The following C6 variants were observed in gnomAD, a reference collection of about 807,000 sequenced individuals.
C6 encodes the protein complement C6.
In C6, 101 loss-of-function variants were observed where a neutral mutation model predicts 112.9. The observed-to-expected ratio is 0.89, with a 90% CI of 0.76 to 1.06. C6 has a LOEUF of 1.06. Ranked by LOEUF, C6 falls within the 50% of genes least tolerant of loss-of-function variation. The pLI is 0.00. For synonymous variants in C6, 431 were observed against 384.1 expected (o/e 1.12, Z -1.43); for missense variants, 1,202 against 1,104.6 (o/e 1.09, Z -1.25).
intron 10 of C6, among the ~76,000 whole-genome samples, chr5:41,160,927 A>G (rs960597206): frequency 1.3e-5 from 2 of 152,212 alleles, no homozygotes; most frequent in Non-Finnish European, 1.5e-5. Flanking sequence ...TGCTCATTTT[A>G]TTAACATCAT....
chr5:41,203,454 G>A, intron 1 of C6: 1 of 532,870 alleles, frequency 1.9e-6, no homozygotes, highest in African/African-American at 1.9e-5. Flanking sequence ...GATTACCATA[G>A]GCACAACCTC....
At chr5:41,234,102 A>G (rs941632675) in intron 1 of C6, among the ~76,000 whole-genome samples, 2 of 152,100 alleles carry the variant, frequency 1.3e-5, no homozygotes, top group African/African-American at 2.4e-5. Context: ...AACAAATTAT[A>G]TAATATTACC....
At chr5:41,215,496 T>A (rs1164574530), upstream of C6, among the ~76,000 whole-genome samples, 1 of 152,164 alleles carries the variant, frequency 6.6e-6, no homozygotes, top group Non-Finnish European at 1.5e-5. Context: ...AGATGTGTGC[T>A]GCTGAAAAAC....
chr5:41,260,229 GGCAAATGA>G (rs1246246453), intron 1 of C6, among the ~76,000 whole-genome samples: 3 of 151,722 alleles, frequency 2.0e-5, no homozygotes, highest in Non-Finnish European at 4.4e-5. Flanking sequence ...CATTTGCCTA[GGCAAATGA>G]AGTGGTAACT....
At chr5:41,255,987 T>C (rs1037282899) in intron 1 of C6, among the ~76,000 whole-genome samples, 3 of 152,146 alleles carry the variant, frequency 2.0e-5, no homozygotes, top group African/African-American at 7.2e-5. Context: ...GTTAGTATCA[T>C]GAGGTTGCTG....
At chr5:41,258,780 G>A (rs376582493) in intron 1 of C6, among the ~76,000 whole-genome samples, 16 of 152,236 alleles carry the variant, frequency 1.1e-4, no homozygotes, top group South Asian at 1.0e-3. Context: ...CAATCATGGC[G>A]GAAAGCAACT....
At chr5:41,181,020 A>T in intron 7 of C6, among the ~76,000 whole-genome samples, 1 of 152,176 alleles carries the variant, frequency 6.6e-6, no homozygotes, top group South Asian at 2.1e-4. Context: ...TGTATATAAC[A>T]TATAACAAAA....
intron 1 of C6, 76 bp from the exon 2 acceptor site, chr5:41,203,326 ATTCAAATGTGAT>A: frequency 6.8e-7 from 1 of 1,464,558 alleles, no homozygotes; most frequent in Non-Finnish European, 9.5e-7. Context: ...TGAGTCAGAG[ATTCAAATGTGAT>A]TTTAGAAAAT....
rs544839492 is a variant in C6 at position 41,178,768 on chromosome 5, G to A, written c.928-2053C>T. Among the ~76,000 whole-genome samples, 34 of 150,648 alleles carry A rather than the reference G, an allele frequency of 2.3e-4. 1 individual carries two copies. The South Asian group carries it at 2.3e-3, about 10-fold the overall frequency. ...TGGGATTATAGGCATGAGCCACCGC[G>A]CCCAGCCTCATTTCCTTAGACTGAA... On this transcript the variant is annotated intron_variant, in intron 7 of 17. Transcript: ENST00000337836.
rs752796479 is a variant in C6 at position 41,160,316 on chromosome 5, G to A, written c.1510C>T (p.Arg504Trp). The A allele has an allele frequency of 3.7e-5, 59 of 1,613,820 alleles. No homozygotes were observed. The African/African-American group carries it at 3.7e-4, about 10-fold the overall frequency. Residue 504 changes from arginine to tryptophan, a missense_variant, in exon 11 of 18, where the codon CGG becomes TGG. Coordinates refer to ENST00000337836, the MANE Select transcript of C6 (RefSeq NM_000065.5). ...TGCAAAGCTTTCCTGAGGTTGTTCC[G>A]TTTTGTCACTGCACAGGGGATGTTT... Reference protein sequence around the residue: ...VRNIPCAVTKRNNLRKALQEY... With the variant: ...VRNIPCAVTKWNNLRKALQEY...
At chr5:41,255,710 A>T (rs1653101638) in intron 1 of C6, among the ~76,000 whole-genome samples, 1 of 152,220 alleles carries the variant, frequency 6.6e-6, no homozygotes, top group Non-Finnish European at 1.5e-5. Context: ...TACGTGCTAT[A>T]GGTCTGTCAA....
At chr5:41,238,386 G>A (rs1740465100) in intron 1 of C6, among the ~76,000 whole-genome samples, 1 of 151,886 alleles carries the variant, frequency 6.6e-6, no homozygotes, top group Non-Finnish European at 1.5e-5. Flanking sequence ...CAGAGATATA[G>A]ATCAATGGAA....
chr5:41,255,418 C>T (rs907418867), intron 1 of C6, among the ~76,000 whole-genome samples: 2 of 151,374 alleles, frequency 1.3e-5, no homozygotes, highest in Non-Finnish European at 2.9e-5. Flanking sequence ...TTCATTCTTT[C>T]ATATTCTTGG....
At chr5:41,162,967 C>T (rs1747660416) in intron 9 of C6, among the ~76,000 whole-genome samples, 1 of 152,034 alleles carries the variant, frequency 6.6e-6, no homozygotes, top group African/African-American at 2.4e-5. Context: ...CATGTTATTT[C>T]ATATTTAGAT....
chr5:41,208,032 A>G (rs373345470), intron 1 of C6, among the ~76,000 whole-genome samples: 1 of 152,250 alleles, frequency 6.6e-6, no homozygotes, highest in African/African-American at 2.4e-5. Flanking sequence ...TGTCTCTCAC[A>G]TCACAGTGCA....
intron 1 of C6, among the ~76,000 whole-genome samples, chr5:41,210,026 C>T (rs1017563463): frequency 2.2e-4 from 33 of 152,066 alleles, no homozygotes; most frequent in South Asian, 1.5e-3. Flanking sequence ...GAGATATAGA[C>T]CAATGGAACA....
At chr5:41,173,458 T>G (rs1362450763) in intron 8 of C6, among the ~76,000 whole-genome samples, 2 of 152,200 alleles carry the variant, frequency 1.3e-5, no homozygotes, top group African/African-American at 4.8e-5. Context: ...CATTTTCTTT[T>G]TCTTAACAGC....
Position 41,142,727 on chromosome 5 carries a change from C to G in C6, c.*98G>C. 1 of 934,242 alleles carries G rather than the reference C, an allele frequency of 1.1e-6. No individual in the cohort carries two copies. The highest frequency in any genetic ancestry group is 1.8e-6 in the Non-Finnish European group (1 of 565,084). The allele number at this position is 934,242 out of a possible 1,614,324, so 57.9% of individuals were successfully genotyped here. A position where few individuals can be genotyped will look rare whatever the true frequency, so the allele number is the denominator to read the frequency against. On this transcript the variant is annotated 3_prime_UTR_variant, in exon 18 of 18. Coordinates refer to ENST00000337836, the MANE Select transcript of C6 (RefSeq NM_000065.5). Reference sequence around the variant, plus strand: ...AATAATTTTTGTCAGTAACTTTGAGCATGCCAGTCTGCTGTTTGTGCAAGA... The same window carrying G: ...AATAATTTTTGTCAGTAACTTTGAGGATGCCAGTCTGCTGTTTGTGCAAGA...
At chr5:41,161,242 C>G (rs548874134) in intron 10 of C6, among the ~76,000 whole-genome samples, 1 of 151,994 alleles carries the variant, frequency 6.6e-6, no homozygotes. Context: ...AATGTAATTA[C>G]AACAAATACA....
Sources: allele counts gnomAD v4.1 joint callset (sites outside exome capture counted in the v4.1 genomes callset), GRCh38; gene constraint gnomAD v4.1.1; transcripts MANE v1.5; gene names NCBI Gene and HGNC (gene_info 2026-07-23, HGNC 2026-07-21).